LRRC7: variants seen among roughly 807,000 people sequenced by gnomAD.
LRRC7 encodes leucine rich repeat containing 7.
In LRRC7, 23 loss-of-function variants were observed where a neutral mutation model predicts 175.7. The observed-to-expected ratio is 0.13, with a 90% CI of 0.09 to 0.19. The LOEUF is 0.19. Ranked by LOEUF, LRRC7 falls within the 10% of genes least tolerant of loss-of-function variation. The pLI, the probability that LRRC7 is intolerant of heterozygous loss-of-function variation, is 1.00. For missense variants in LRRC7, 1,354 were observed against 1,904.7 expected (o/e 0.71, Z 5.38); for synonymous variants, 685 against 680.9 (o/e 1.01, Z -0.09).
intron 14 of LRRC7, among the ~76,000 whole-genome samples, chr1:70,018,182 TA>T (rs1199051892): frequency 6.6e-6 from 1 of 152,000 alleles, no homozygotes; most frequent in Non-Finnish European, 1.5e-5. Context: ...CAGAATGAAA[TA>T]TGCACAGAGG....
intron 8 of LRRC7, among the ~76,000 whole-genome samples, chr1:69,952,840 T>C (rs1281431650): frequency 6.6e-6 from 1 of 151,706 alleles, no homozygotes; most frequent in Non-Finnish European, 1.5e-5. Flanking sequence ...GTGGGAGCCC[T>C]CCTTTGGAGA....
At chr1:70,114,802 G>A (rs1199235825) in intron 26 of LRRC7, among the ~76,000 whole-genome samples, 1 of 152,160 alleles carries the variant, frequency 6.6e-6, no homozygotes, top group Non-Finnish European at 1.5e-5. Flanking sequence ...TAAAAATGTT[G>A]AGGAAATGCT....
intron 2 of LRRC7, among the ~76,000 whole-genome samples, chr1:69,698,971 C>T (rs1031815359): frequency 1.3e-5 from 2 of 152,126 alleles, no homozygotes; most frequent in Non-Finnish European, 2.9e-5. Context: ...TTACTCCTAT[C>T]CCTTTTGCCT....
chr1:69,901,793 T>C (rs752070827), intron 7 of LRRC7, among the ~76,000 whole-genome samples: 5 of 152,176 alleles, frequency 3.3e-5, no homozygotes, highest in African/African-American at 9.7e-5. Context: ...CTGATGCTAG[T>C]GTTATTTTCT....
intron 7 of LRRC7, among the ~76,000 whole-genome samples, chr1:69,845,262 TA>T (rs1420535883): frequency 6.6e-6 from 1 of 151,914 alleles, no homozygotes; most frequent in Non-Finnish European, 1.5e-5. Flanking sequence ...AATAAATAAA[TA>T]AAAGGCTTAA....
At chr1:70,066,700 C>A (rs1662005093) in intron 23 of LRRC7, among the ~76,000 whole-genome samples, 1 of 152,054 alleles carries the variant, frequency 6.6e-6, no homozygotes, top group Non-Finnish European at 1.5e-5. Context: ...TCTGTGCGCA[C>A]CTTTTTGTGT....
chr1:70,101,911 C>T (rs955598520), intron 25 of LRRC7, among the ~76,000 whole-genome samples: 14 of 152,182 alleles, frequency 9.2e-5, no homozygotes, highest in African/African-American at 2.9e-4. Flanking sequence ...TGTCTGAATG[C>T]TGGTGTCTGA....
chr1:69,647,079 T>C (rs1005917016), intron 1 of LRRC7, among the ~76,000 whole-genome samples: 15 of 152,154 alleles, frequency 9.9e-5, no homozygotes, highest in Non-Finnish European at 1.0e-4. Context: ...AAATGTATTA[T>C]GGGCACAAAC....
intron 1 of LRRC7, among the ~76,000 whole-genome samples, chr1:69,624,669 C>A (rs747545000): frequency 6.6e-6 from 1 of 151,990 alleles, no homozygotes; most frequent in Non-Finnish European, 1.5e-5. Flanking sequence ...CTAAATTTTA[C>A]TTTTGTATAT....
At chr1:69,714,713 A>C (rs1050948279) in intron 2 of LRRC7, among the ~76,000 whole-genome samples, 2 of 151,870 alleles carry the variant, frequency 1.3e-5, no homozygotes, top group African/African-American at 4.9e-5. Context: ...GTATTGAAAA[A>C]CTGTTGTGGG....
At chr1:69,652,715 TAAC>T (rs1656037663) in intron 1 of LRRC7, among the ~76,000 whole-genome samples, 1 of 151,876 alleles carries the variant, frequency 6.6e-6, no homozygotes, top group Admixed American at 6.6e-5. Flanking sequence ...AAAATAATAA[TAAC>T]CAAAATAGAG....
chr1:69,695,065 TA>T (rs772451228), intron 2 of LRRC7, among the ~76,000 whole-genome samples: 2 of 152,094 alleles, frequency 1.3e-5, no homozygotes, highest in Non-Finnish European at 2.9e-5. Context: ...GACAGGAAGA[TA>T]AGGGAAAATT....
intron 1 of LRRC7, among the ~76,000 whole-genome samples, chr1:69,617,179 C>A (rs1749496): frequency 0.13 from 19,512 of 152,020 alleles, 1,598 homozygotes; most frequent in South Asian, 0.19. Context: ...TGACTCACAG[C>A]TGTGATAATT....
intron 2 of LRRC7, 84 bp downstream of exon 2, chr1:69,678,562 G>A (rs985656449): frequency 5.6e-6 from 5 of 888,030 alleles, no homozygotes; most frequent in African/African-American, 5.0e-5. Flanking sequence ...ACCTTTAAAT[G>A]GTTAGTCAAG....
In LRRC7 at chr1:70,128,826, C is replaced by T. The variant is rs1666550770; in HGVS notation, c.*6939C>T. On this transcript the variant is annotated 3_prime_UTR_variant, in exon 27 of 27. Transcript: ENST00000651989. ...TCCCTTTATTCCTGCCCTCAACCAT[C>T]CTATTGCAAAAGGAAATCGAGTCTT... 6.6e-6 allele frequency: 1 copy of T among 152,128 alleles called. No homozygotes were observed. The highest frequency in any genetic ancestry group is 2.4e-5 in the African/African-American group (1 of 41,410). The allele number at this position is 152,128 out of a possible 1,614,324, so 9.4% of individuals were successfully genotyped here. A position where few individuals can be genotyped will look rare whatever the true frequency, so the allele number is the denominator to read the frequency against.
intron 23 of LRRC7, among the ~76,000 whole-genome samples, chr1:70,054,417 A>G (rs1660973158): frequency 6.6e-6 from 1 of 152,068 alleles, no homozygotes; most frequent in Admixed American, 6.6e-5. Flanking sequence ...ATTTAAGCAT[A>G]AGTACATAAG....
chr1:70,020,005 AG>A (rs1657317379), intron 15 of LRRC7, among the ~76,000 whole-genome samples: 1 of 152,018 alleles, frequency 6.6e-6, no homozygotes, highest in Non-Finnish European at 1.5e-5. Context: ...ATTTGTCCCA[AG>A]GTAGATTCAG....
At chr1:69,764,628 A>G (rs1671400643) in intron 3 of LRRC7, among the ~76,000 whole-genome samples, 1 of 152,000 alleles carries the variant, frequency 6.6e-6, no homozygotes. Context: ...TTAGAAAAGT[A>G]TTCTTCCTGG....
At chr1:69,803,252 T>A (rs1465170854) in intron 4 of LRRC7, among the ~76,000 whole-genome samples, 1 of 151,428 alleles carries the variant, frequency 6.6e-6, no homozygotes, top group Non-Finnish European at 1.5e-5. Context: ...AATACTGAAT[T>A]CTTCCGCAAG....
Sources: allele counts gnomAD v4.1 joint callset (sites outside exome capture counted in the v4.1 genomes callset), GRCh38; gene constraint gnomAD v4.1.1; transcripts MANE v1.5; gene names NCBI Gene and HGNC (gene_info 2026-07-23, HGNC 2026-07-21).